Variants in FAM76B observed in about 807,000 individuals in gnomAD.
The protein encoded by FAM76B is protein FAM76B.
In FAM76B, 16 loss-of-function variants were observed where a neutral mutation model predicts 51.8. That is an observed-to-expected ratio of 0.31 (90% CI 0.21 to 0.47). The LOEUF is 0.47. FAM76B is among the 20% of genes least tolerant of loss of function. The pLI is 1.00. For synonymous variants in FAM76B, 166 were observed against 129.5 expected, an observed-to-expected ratio of 1.28 and a Z score of -1.91; for missense variants, 342 against 392.6, an observed-to-expected ratio of 0.87 and a Z score of 1.09.
At chr11:95,774,929 G>T (rs975955578) in intron 9 of FAM76B, among the ~76,000 whole-genome samples, 2 of 150,738 alleles carry the variant, frequency 1.3e-5, no homozygotes, top group African/African-American at 4.9e-5. Flanking sequence ...ACTAATTTAA[G>T]CTACTTGCAA....
chr11:95,783,485 A>C (rs1202498769), intron 4 of FAM76B, among the ~76,000 whole-genome samples: 1 of 152,232 alleles, frequency 6.6e-6, no homozygotes, highest in African/African-American at 2.4e-5. Flanking sequence ...GATGAGGATG[A>C]CATCAGTTTT....
At chr11:95,771,718 T>G (rs537242062) in intron 9 of FAM76B, 68 bp from the exon 10 acceptor site, 3 of 1,223,882 alleles carry the variant, frequency 2.5e-6, no homozygotes, top group African/African-American at 1.5e-5. Flanking sequence ...TGAAGAATAC[T>G]ACTTATTTAA....
At chr11:95,779,781 T>C in intron 6 of FAM76B, 94 bp from the exon 7 acceptor site, 2 of 1,558,140 alleles carry the variant, frequency 1.3e-6, no homozygotes. Context: ...TTACTGAAAA[T>C]ACTGATTTTG....
intron 8 of FAM76B, among the ~76,000 whole-genome samples, chr11:95,778,127 G>A (rs1213986478): frequency 6.6e-6 from 1 of 151,464 alleles, no homozygotes; most frequent in African/African-American, 2.4e-5. Flanking sequence ...ACTAGGATTT[G>A]AATCTAAGTA....
At chr11:95,771,728 A>G in intron 9 of FAM76B, 78 bp from the exon 10 acceptor site, 2 of 1,108,874 alleles carry the variant, frequency 1.8e-6, no homozygotes, top group Middle Eastern at 2.2e-4. Flanking sequence ...TACTTATTTA[A>G]TACTGTTTTC....
Position 95,789,608 on chromosome 11 carries a change from G to C in FAM76B, c.-130C>G. On this transcript the variant is annotated 5_prime_UTR_variant, in exon 1 of 10. Coordinates refer to ENST00000358780, the MANE Select transcript of FAM76B (RefSeq NM_144664.5). ...CTCCCCCTGCCTCGCGCCCACCAGG[G>C]CCTCGCCGCGAGAGCCCAGGGCCCC... 2.8e-6 allele frequency: 2 copies of C among 726,546 alleles called. No homozygotes were observed. Among genetic ancestry groups the C allele is most frequent in the Non-Finnish European group, 4.2e-6 (2 of 470,594 alleles). The allele number at this position is 726,546 out of a possible 1,614,324, so 45.0% of individuals were successfully genotyped here. A position where few individuals can be genotyped will look rare whatever the true frequency, so the allele number is the denominator to read the frequency against.
At chr11:95,782,152 G>A (rs1315815147) in intron 5 of FAM76B, among the ~76,000 whole-genome samples, 1 of 151,978 alleles carries the variant, frequency 6.6e-6, no homozygotes, top group Non-Finnish European at 1.5e-5. Context: ...ATTTTTCCGT[G>A]AAGACTAAAA....
intron 5 of FAM76B, among the ~76,000 whole-genome samples, chr11:95,782,754 A>G (rs1860342704): frequency 6.6e-6 from 1 of 152,216 alleles, no homozygotes; most frequent in Admixed American, 6.5e-5. Context: ...TTAAACAAAA[A>G]AAGAATACTG....
chr11:95,788,429 T>A, intron 2 of FAM76B, 70 bp downstream of exon 2: 2 of 1,253,354 alleles, frequency 1.6e-6, no homozygotes, highest in South Asian at 2.5e-5. Flanking sequence ...AAACATGGGA[T>A]TACAACCCCC....
Position 95,771,398 on chromosome 11 carries a change from C to T in FAM76B, c.*163G>A. The T allele has an allele frequency of 2.0e-6, 1 of 509,788 alleles. No homozygotes were observed. Among genetic ancestry groups the T allele is most frequent in the Non-Finnish European group, 3.5e-6 (1 of 284,244 alleles). The allele number at this position is 509,788 out of a possible 1,614,324, so 31.6% of individuals were successfully genotyped here. The stretch of plus-strand genomic sequence containing the variant: ...GTTGAAGTTTTATTTGAATGTTTTA[C>T]AACTTAAAAAATGCTGTATATCAAT... On this transcript the variant is annotated 3_prime_UTR_variant, in exon 10 of 10. Transcript: ENST00000358780.
At chr11:95,788,600 A>G (rs753869977) in intron 1 of FAM76B, 37 bp from the exon 2 acceptor site, 3 of 1,519,852 alleles carry the variant, frequency 2.0e-6, no homozygotes, top group South Asian at 1.1e-5. Context: ...TATCTTTCTG[A>G]AAGTCCCAAA....
chr11:95,775,396 A>G (rs1304671720), intron 9 of FAM76B, among the ~76,000 whole-genome samples: 1 of 151,396 alleles, frequency 6.6e-6, no homozygotes, highest in Non-Finnish European at 1.5e-5. Context: ...CAGGTGGATC[A>G]CTACCTGTTA....
At chr11:95,775,747 C>G (rs1213757508) in intron 9 of FAM76B, 175 bp downstream of exon 9, 1 of 385,166 alleles carries the variant, frequency 2.6e-6, no homozygotes, top group Non-Finnish European at 4.6e-6. Flanking sequence ...CAAGTAATTT[C>G]AAACAATAAC....
intron 5 of FAM76B, among the ~76,000 whole-genome samples, chr11:95,782,342 A>C (rs955021760): frequency 6.6e-6 from 1 of 152,100 alleles, no homozygotes; most frequent in African/African-American, 2.4e-5. Flanking sequence ...ATACGGATCA[A>C]AAATACAGTA....
At chr11:95,774,752 G>A (rs1859920266) in intron 9 of FAM76B, among the ~76,000 whole-genome samples, 1 of 151,190 alleles carries the variant, frequency 6.6e-6, no homozygotes, top group Admixed American at 6.6e-5. Flanking sequence ...CAGAACAGAG[G>A]GCTGATGGGC....
At chr11:95,779,046 C>T (rs541438595) in intron 7 of FAM76B, 89 bp from the exon 8 acceptor site, 5 of 1,593,848 alleles carry the variant, frequency 3.1e-6, no homozygotes, top group East Asian at 2.2e-5. Context: ...ATTCCACAAA[C>T]ATCCTTAAGG....
intron 1 of FAM76B, chr11:95,788,984 T>C: frequency 7.4e-7 from 1 of 1,348,130 alleles, no homozygotes; most frequent in Non-Finnish European, 9.7e-7. Context: ...GCTTTGCGGC[T>C]TCGGGTTCCT....
In FAM76B at chr11:95,779,700, A is replaced by T; in HGVS notation, c.612-13T>A. On this transcript the variant is annotated splice_polypyrimidine_tract_variant and intron_variant, in intron 6 of 9. Transcript: ENST00000358780. ...AGAGGATTTATGGCTGAAACCAAAC[A>T]TTAATAAGAATAGTTAGAGTAAAAA... The T allele has an allele frequency of 6.2e-7, 1 of 1,605,160 alleles. No homozygotes were observed.
At chr11:95,785,133 A>T (rs897263566) in intron 4 of FAM76B, among the ~76,000 whole-genome samples, 2 of 152,224 alleles carry the variant, frequency 1.3e-5, no homozygotes, top group African/African-American at 2.4e-5. Context: ...ATATAACTGT[A>T]ACTAGGGTAT....
Sources: allele counts gnomAD v4.1 joint callset (sites outside exome capture counted in the v4.1 genomes callset), GRCh38; gene constraint gnomAD v4.1.1; transcripts MANE v1.5; gene names NCBI Gene and HGNC (gene_info 2026-07-23, HGNC 2026-07-21).